Variants in SUGCT observed in about 807,000 individuals in gnomAD.
SUGCT encodes the protein succinyl-CoA:glutarate-CoA transferase, also known as succinyl-CoA:glutarate CoA-transferase.
Under a neutral mutation model 55.0 loss-of-function variants are expected in SUGCT, and 41 were observed. The ratio of observed to expected loss-of-function variants is 0.74; its 90% CI spans 0.58 to 0.97. The LOEUF is 0.97. SUGCT is among the 50% of genes least tolerant of loss of function. SUGCT has a pLI of 0.00. For missense variants in SUGCT, 568 were observed against 547.8 expected (o/e 1.04, Z -0.37); for synonymous variants, 187 against 200.4 (o/e 0.93, Z 0.56).
chr7:40,980,391 G>C, the SUGCT span, among the ~76,000 whole-genome samples: 315 of 152,092 alleles, frequency 2.1e-3, no homozygotes, highest in African/African-American at 6.8e-3. Flanking sequence ...TGCCCTTATT[G>C]CATACAAAAT....
At chr7:40,451,119 G>C (rs1789167988) in intron 10 of SUGCT, among the ~76,000 whole-genome samples, 1 of 152,152 alleles carries the variant, frequency 6.6e-6, no homozygotes, top group Non-Finnish European at 1.5e-5. Context: ...GCTGTTGCCT[G>C]TGAAGTCATT....
chr7:40,969,276 T>C, the SUGCT span, among the ~76,000 whole-genome samples: 2 of 152,224 alleles, frequency 1.3e-5, no homozygotes, highest in African/African-American at 4.8e-5. Context: ...TGATAAGGGA[T>C]CACACTGATG....
At chr7:40,546,525 A>C (rs568423089) in intron 12 of SUGCT, among the ~76,000 whole-genome samples, 1 of 152,348 alleles carries the variant, frequency 6.6e-6, no homozygotes, top group Non-Finnish European at 1.5e-5. Flanking sequence ...CACTGATGGA[A>C]TATTCAGTGT....
intron 12 of SUGCT, among the ~76,000 whole-genome samples, chr7:40,523,376 G>T (rs1218021924): frequency 6.6e-6 from 1 of 151,956 alleles, no homozygotes; most frequent in East Asian, 1.9e-4. Flanking sequence ...TCTATCTTAA[G>T]AATTTTAATA....
chr7:40,336,143 G>A (rs1446815684), intron 9 of SUGCT, among the ~76,000 whole-genome samples: 2 of 152,124 alleles, frequency 1.3e-5, no homozygotes, highest in Admixed American at 6.6e-5. Context: ...TGCTGGATTC[G>A]GTTTGCCAGT....
intron 12 of SUGCT, among the ~76,000 whole-genome samples, chr7:40,691,654 G>T (rs1784704977): frequency 6.6e-6 from 1 of 152,186 alleles, no homozygotes; most frequent in African/African-American, 2.4e-5. Context: ...CTTCATACTA[G>T]AAACTTTTTT....
chr7:40,772,091 A>G (rs939912549), intron 13 of SUGCT, among the ~76,000 whole-genome samples: 1 of 152,158 alleles, frequency 6.6e-6, no homozygotes, highest in Non-Finnish European at 1.5e-5. Flanking sequence ...TCCCTGAAGG[A>G]GTAAGCCAGC....
intron 8 of SUGCT, among the ~76,000 whole-genome samples, chr7:40,282,606 A>G (rs991129424): frequency 1.3e-5 from 2 of 152,184 alleles, no homozygotes; most frequent in Non-Finnish European, 2.9e-5. Flanking sequence ...AATGGATTAA[A>G]GGGGCCAGTG....
At chr7:41,008,590 G>A in the SUGCT span, among the ~76,000 whole-genome samples, 2 of 151,888 alleles carry the variant, frequency 1.3e-5, no homozygotes, top group African/African-American at 4.8e-5. Context: ...GTTCCTCTCT[G>A]CCTGTATCGC....
chr7:40,638,778 G>A (rs866273350), intron 12 of SUGCT, among the ~76,000 whole-genome samples: 1 of 152,144 alleles, frequency 6.6e-6, no homozygotes, highest in South Asian at 2.1e-4. Context: ...AGGTGTGATG[G>A]GGATAAACAG....
the SUGCT span, among the ~76,000 whole-genome samples, chr7:40,879,354 C>G: frequency 6.6e-6 from 1 of 152,164 alleles, no homozygotes; most frequent in East Asian, 1.9e-4. Flanking sequence ...TTATTCATCT[C>G]TTACTTTGTT....
At chr7:40,243,062 A>C (rs1789571122) in intron 7 of SUGCT, among the ~76,000 whole-genome samples, 1 of 144,408 alleles carries the variant, frequency 6.9e-6, no homozygotes, top group Non-Finnish European at 1.5e-5. Flanking sequence ...CAGCCTCCTG[A>C]GTAGCTGGGA....
intron 9 of SUGCT, among the ~76,000 whole-genome samples, chr7:40,439,054 TATATATG>T (rs1231628973): frequency 6.2e-5 from 7 of 112,912 alleles, no homozygotes; most frequent in Admixed American, 1.1e-4. Context: ...ATATATGGTA[TATATATG>T]GTGTATATAT....
At chr7:40,613,614 AT>A (rs34035338) in intron 12 of SUGCT, among the ~76,000 whole-genome samples, 13,672 of 144,672 alleles carry the variant, frequency 0.095, 624 homozygotes, top group Middle Eastern at 0.12. Flanking sequence ...CCTGCACCCA[AT>A]TTTTTTTTTT....
At chr7:40,605,810 T>G (rs1798503669) in intron 12 of SUGCT, among the ~76,000 whole-genome samples, 1 of 152,246 alleles carries the variant, frequency 6.6e-6, no homozygotes, top group Non-Finnish European at 1.5e-5. Context: ...ACTTGTATGT[T>G]TGCCAGTAAG....
chr7:40,532,672 G>A, intron 12 of SUGCT, among the ~76,000 whole-genome samples: 1 of 151,596 alleles, frequency 6.6e-6, no homozygotes, highest in East Asian at 1.9e-4. Flanking sequence ...AGACATTTTA[G>A]GTTAACATTA....
chr7:40,885,328 A>C, the SUGCT span, among the ~76,000 whole-genome samples: 1 of 152,134 alleles, frequency 6.6e-6, no homozygotes, highest in Non-Finnish European at 1.5e-5. Flanking sequence ...TCAAAAGTAT[A>C]CTTTTCCCAC....
chr7:40,162,411 G>A (rs998891349), intron 1 of SUGCT, among the ~76,000 whole-genome samples: 25 of 152,276 alleles, frequency 1.6e-4, no homozygotes, highest in Admixed American at 1.4e-3. Context: ...TTGTAGGAAA[G>A]AATACCTATG....
chr7:41,032,466 C>G, the SUGCT span, among the ~76,000 whole-genome samples: 1 of 152,058 alleles, frequency 6.6e-6, no homozygotes, highest in African/African-American at 2.4e-5. Flanking sequence ...CTTCCTGTTG[C>G]CTGTCTTCCT....
Sources: allele counts gnomAD v4.1 joint callset (sites outside exome capture counted in the v4.1 genomes callset), GRCh38; gene constraint gnomAD v4.1.1; transcripts MANE v1.5; gene names NCBI Gene and HGNC (gene_info 2026-07-23, HGNC 2026-07-21).